The following PCDHGA12 variants were observed in gnomAD, a reference collection of about 807,000 sequenced individuals.
The protein encoded by PCDHGA12 is protocadherin gamma subfamily A, 12, also known as protocadherin gamma-A12.
Under a neutral mutation model 61.1 loss-of-function variants are expected in PCDHGA12, and 43 were observed. The observed-to-expected ratio is 0.70, with a 90% confidence interval of 0.55 to 0.91. The LOEUF is 0.91. Ranked by LOEUF, PCDHGA12 falls within the 40% of genes least tolerant of loss-of-function variation. The probability of loss-of-function intolerance (pLI) is 0.00; values close to 1 mark genes in which losing one functional copy is unlikely to be tolerated. For missense variants in PCDHGA12, 1,236 were observed against 1,227.7 expected, an observed-to-expected ratio of 1.01 and a Z score of -0.10; for synonymous variants, 520 against 542.9, an observed-to-expected ratio of 0.96 and a Z score of 0.59.
chr5:141,455,037 C>T (rs1251627513), intron 1 of PCDHGA12, among the ~76,000 whole-genome samples: 1 of 151,744 alleles, frequency 6.6e-6, no homozygotes, highest in Non-Finnish European at 1.5e-5. Flanking sequence ...TGGTCTCGAT[C>T]TCCTGACCTC....
intron 1 of PCDHGA12, among the ~76,000 whole-genome samples, chr5:141,457,594 TA>T (rs1239366532): frequency 6.6e-6 from 1 of 152,250 alleles, no homozygotes; most frequent in Non-Finnish European, 1.5e-5. Flanking sequence ...TCATTTTTGG[TA>T]AAAACTAATT....
In PCDHGA12 at chr5:141,512,501, G is replaced by A. The variant is rs1474842711; in HGVS notation, c.*1328G>A. The A allele has an allele frequency of 6.5e-6, 1 of 152,914 alleles. No homozygotes were observed. The highest frequency in any genetic ancestry group is 1.5e-5 in the Non-Finnish European group (1 of 68,258). The allele number at this position is 152,914 out of a possible 1,614,324, so 9.5% of individuals were successfully genotyped here. On this transcript the variant is annotated 3_prime_UTR_variant, in exon 4 of 4. Transcript: ENST00000252085. The stretch of plus-strand genomic sequence containing the variant: ...GAAGGCCACTGCCCAGGTCCCCAGT[G>A]CGCCCCCTAGTGGCCATAGCCTGGT...
intron 1 of PCDHGA12, among the ~76,000 whole-genome samples, chr5:141,470,212 C>A (rs756256854): frequency 2.0e-5 from 3 of 152,116 alleles, no homozygotes; most frequent in Non-Finnish European, 4.4e-5. Context: ...AAGGCTAAAC[C>A]ATTCAGCTTC....
intron 1 of PCDHGA12, among the ~76,000 whole-genome samples, chr5:141,435,590 A>G (rs1005651004): frequency 3.3e-5 from 5 of 152,210 alleles, no homozygotes; most frequent in African/African-American, 7.2e-5. Context: ...TTGCAGTAAT[A>G]TCGCCTGCTT....
chr5:141,469,802 C>T (rs2099211446), intron 1 of PCDHGA12, among the ~76,000 whole-genome samples: 1 of 152,022 alleles, frequency 6.6e-6, no homozygotes, highest in Admixed American at 6.6e-5. Flanking sequence ...ATTGCAAAAA[C>T]ATTGTAGATA....
intron 1 of PCDHGA12, among the ~76,000 whole-genome samples, chr5:141,474,432 C>T (rs1050895539): frequency 6.6e-6 from 1 of 152,214 alleles, no homozygotes; most frequent in Non-Finnish European, 1.5e-5. Context: ...GGTCCTCACA[C>T]TTTGAGTAGC....
intron 1 of PCDHGA12, among the ~76,000 whole-genome samples, chr5:141,466,351 A>G (rs897901821): frequency 6.6e-6 from 1 of 152,050 alleles, no homozygotes; most frequent in African/African-American, 2.4e-5. Context: ...TTTTGCAGCT[A>G]ATCTAGATGT....
chr5:141,476,366 G>T lies in PCDHGA12; in HGVS notation c.2425-18441G>T, dbSNP rs1025903110. The T allele has an allele frequency of 6.2e-7, 1 of 1,614,026 alleles. No individual in the cohort carries two copies. The highest frequency in any genetic ancestry group is 8.5e-7 in the Non-Finnish European group (1 of 1,180,028). On this transcript the variant is annotated intron_variant, in intron 1 of 3. Coordinates refer to ENST00000252085, the MANE Select transcript of PCDHGA12 (RefSeq NM_003735.3). The surrounding 1 kb of genome is among the most constrained non-coding windows in gnomAD (Gnocchi z 7.6). The stretch of plus-strand genomic sequence containing the variant: ...ATTCTTTGAGGTGAACCGGGAGACC[G>T]GAGAGATGTTTGTGAACGACCGTCT...
chr5:141,468,648 C>G (rs60206946), intron 1 of PCDHGA12: 27,626 of 151,800 alleles, frequency 0.18, 2,687 homozygotes, highest in Admixed American at 0.28. Flanking sequence ...GGGCGGATCA[C>G]AAGGTCAGGA....
intron 1 of PCDHGA12, among the ~76,000 whole-genome samples, chr5:141,435,444 A>T (rs1471113812): frequency 1.3e-5 from 2 of 152,216 alleles, no homozygotes; most frequent in South Asian, 2.1e-4. Context: ...TTTCATTAAT[A>T]CGATATCTGT....
At chr5:141,438,635 TACAC>T (rs56854727) in intron 1 of PCDHGA12, among the ~76,000 whole-genome samples, 720 of 33,094 alleles carry the variant, frequency 0.022, 7 homozygotes, top group Middle Eastern at 0.05. Context: ...TATATATATA[TACAC>T]ACACACACAC....
At position 141,432,540 on chromosome 5, in the gene PCDHGA12, T is replaced by A. The variant is rs147884705; in HGVS notation, c.1781T>A (p.Val594Glu). 7.6e-4 allele frequency: 1,222 copies of A among 1,613,608 alleles called. 1 individual carries two copies. The highest frequency in any genetic ancestry group is 1.1e-3 in the Admixed American group (64 of 59,988). ...TACCTGGTGACCAAGGTGGTGGCGG[T>A]GGACAGAGACTCCGGCCAGAACGCC... The part of the protein sequence containing the change: ...PGYLVTKVVA[V>E]DRDSGQNAWL... The change falls in exon 1 of 4, where the codon GTG becomes GAG. Residue 594 changes from valine to glutamate, a missense_variant. Transcript: ENST00000252085. This position sits in a 1 kb window ranked among gnomAD's most constrained non-coding sequence, Gnocchi z 6.0.
At position 141,476,873 on chromosome 5, in the gene PCDHGA12, G is replaced by C; in HGVS notation, c.2425-17934G>C. On this transcript the variant is annotated intron_variant, in intron 1 of 3. Coordinates refer to ENST00000252085, the MANE Select transcript of PCDHGA12 (RefSeq NM_003735.3). This position sits in a 1 kb window ranked among gnomAD's most constrained non-coding sequence, Gnocchi z 7.6. ...CAACCAGTCCTTGTACCGGGCGCGC[G>C]TCCTGGAGGATGCACCCTCCGGCAC... 1 of 1,613,936 alleles carries C rather than the reference G, an allele frequency of 6.2e-7. No homozygotes were observed. Among genetic ancestry groups the C allele is most frequent in the South Asian group, 1.1e-5 (1 of 91,088 alleles).
At chr5:141,441,763 G>A in intron 1 of PCDHGA12, 1 of 384,020 alleles carries the variant, frequency 2.6e-6, no homozygotes, top group Non-Finnish European at 5.2e-6. Flanking sequence ...GTGAGCCTGC[G>A]CGTGTTGGTG....
Position 141,430,885 on chromosome 5 carries a change from C to T in PCDHGA12, c.126C>T (p.Gly42=), listed in dbSNP as rs771554381. 9 of 1,605,218 alleles carry T rather than the reference C, an allele frequency of 5.6e-6. No homozygotes were observed. The highest frequency in any genetic ancestry group is 1.1e-5 in the South Asian group (1 of 89,520). ...CAGTTCCGGAAGAGCTGGAGAAAGGCTCTAGGGTGGGCGACATCTCCAGGG... is the reference window on the plus strand; with the variant it reads ...CAGTTCCGGAAGAGCTGGAGAAAGGTTCTAGGGTGGGCGACATCTCCAGGG... ...RYSVPEELEK[G]SRVGDISRDL... is the part of the protein sequence containing the mutation. The change falls in exon 1 of 4, where the codon GGC becomes GGT. Residue 42 remains glycine (G), a synonymous_variant. Coordinates refer to ENST00000252085, the MANE Select transcript of PCDHGA12 (RefSeq NM_003735.3).
chr5:141,498,994 AAGG>A (rs1310594976), intron 2 of PCDHGA12, among the ~76,000 whole-genome samples: 4 of 148,560 alleles, frequency 2.7e-5, no homozygotes, highest in Non-Finnish European at 4.5e-5. Flanking sequence ...GGAAGGAAGG[AAGG>A]AAGGAAGGAA....
At chr5:141,492,008 G>A (rs1201433644) in intron 1 of PCDHGA12, 21 of 616,588 alleles carry the variant, frequency 3.4e-5, no homozygotes, top group Admixed American at 2.9e-4. Flanking sequence ...CGATTTCCGC[G>A]GGTGTCGGGG....
At chr5:141,449,467 C>G (rs1356192128) in intron 1 of PCDHGA12, among the ~76,000 whole-genome samples, 1 of 150,842 alleles carries the variant, frequency 6.6e-6, no homozygotes, top group South Asian at 2.1e-4. Flanking sequence ...ATTAGCCAGG[C>G]CTGGTACCCC....
intron 1 of PCDHGA12, among the ~76,000 whole-genome samples, chr5:141,470,737 G>A (rs117064561): frequency 6.6e-6 from 1 of 152,016 alleles, no homozygotes; most frequent in African/African-American, 2.4e-5. Flanking sequence ...TTGCTCTGTC[G>A]CCCTGGCTGG....
Sources: gnomAD v4.1 joint callset for allele counts (sites outside exome capture counted in the v4.1 genomes callset) on GRCh38, gnomAD v4.1.1 for gene constraint, Gnocchi (gnomAD v3.1) non-coding constraint, MANE v1.5 for transcripts, NCBI Gene and HGNC (gene_info 2026-07-23, HGNC 2026-07-21) for gene names.